TENM3: variants seen among roughly 807,000 people sequenced by gnomAD.
TENM3 encodes teneurin-3.
Under a neutral mutation model 255.1 loss-of-function variants are expected in TENM3, and 63 were observed. The observed-to-expected ratio is 0.25, with a 90% confidence interval of 0.20 to 0.30. The LOEUF (loss-of-function observed/expected upper bound fraction) is 0.30. TENM3 is among the 10% of genes least tolerant of loss of function. The probability of loss-of-function intolerance (pLI) is 1.00; values close to 1 mark genes in which losing one functional copy is unlikely to be tolerated. For missense variants in TENM3, 2,929 were observed against 3,461.1 expected, an observed-to-expected ratio of 0.85 and a Z score of 3.86; for synonymous variants, 1,306 against 1,322.3, an observed-to-expected ratio of 0.99 and a Z score of 0.27.
At chr4:181,524,504 T>C in the TENM3 span, among the ~76,000 whole-genome samples, 2 of 152,186 alleles carry the variant, frequency 1.3e-5, no homozygotes, top group Non-Finnish European at 2.9e-5. Flanking sequence ...ATTAATCAGT[T>C]CCTAGCAGGT....
intron 1 of TENM3, among the ~76,000 whole-genome samples, chr4:182,159,230 A>G (rs1036846508): frequency 1.3e-5 from 2 of 152,158 alleles, no homozygotes; most frequent in African/African-American, 4.8e-5. Context: ...CCTTATAATG[A>G]ACGTCATGCT....
At chr4:181,664,193 C>T in the TENM3 span, among the ~76,000 whole-genome samples, 16 of 152,276 alleles carry the variant, frequency 1.1e-4, no homozygotes, top group South Asian at 6.2e-4. Flanking sequence ...ACTGGCTGGG[C>T]GCAGTGGCTC....
intron 3 of TENM3, among the ~76,000 whole-genome samples, chr4:182,448,216 A>G (rs1009571913): frequency 1.1e-4 from 16 of 152,164 alleles, no homozygotes; most frequent in African/African-American, 3.6e-4. Context: ...AGCCCCCGCC[A>G]CGGGCCGGTC....
At chr4:182,083,455 G>T in the TENM3 span, among the ~76,000 whole-genome samples, 1 of 152,146 alleles carries the variant, frequency 6.6e-6, no homozygotes, top group Non-Finnish European at 1.5e-5. Context: ...TGATGGAGAA[G>T]AAATGTGTTA....
chr4:181,675,318 A>C, the TENM3 span, among the ~76,000 whole-genome samples: 1 of 152,102 alleles, frequency 6.6e-6, no homozygotes, highest in Non-Finnish European at 1.5e-5. Flanking sequence ...GTTATATTGG[A>C]GGAATTGTGG....
At chr4:181,832,887 T>C in the TENM3 span, among the ~76,000 whole-genome samples, 27 of 152,084 alleles carry the variant, frequency 1.8e-4, no homozygotes, top group Non-Finnish European at 7.4e-5. Flanking sequence ...CAACATTCAC[T>C]CAAGCATGGA....
chr4:181,990,461 A>T, the TENM3 span, among the ~76,000 whole-genome samples: 1 of 152,118 alleles, frequency 6.6e-6, no homozygotes, highest in Non-Finnish European at 1.5e-5. Flanking sequence ...CCTAATAGAT[A>T]AGTGCCATAT....
chr4:181,582,058 C>T, the TENM3 span, among the ~76,000 whole-genome samples: 1 of 152,284 alleles, frequency 6.6e-6, no homozygotes. Context: ...TTCTGTCAAG[C>T]AGTTAATTCT....
At chr4:182,140,384 G>A (rs1749310023), upstream of TENM3, among the ~76,000 whole-genome samples, 1 of 152,112 alleles carries the variant, frequency 6.6e-6, no homozygotes, top group African/African-American at 2.4e-5. Flanking sequence ...TGAGGGGTGA[G>A]CTGGAAGGTC....
the TENM3 span, among the ~76,000 whole-genome samples, chr4:181,825,162 G>C: frequency 6.6e-6 from 1 of 152,118 alleles, no homozygotes; most frequent in Non-Finnish European, 1.5e-5. Flanking sequence ...CAGCACTTTG[G>C]GAGGCCAAGG....
the TENM3 span, among the ~76,000 whole-genome samples, chr4:182,100,426 A>G: frequency 8.3e-6 from 1 of 120,026 alleles, no homozygotes; most frequent in Non-Finnish European, 1.7e-5. Flanking sequence ...ACATGGCAAA[A>G]CTCCGTCTCC....
chr4:181,713,254 C>A, the TENM3 span, among the ~76,000 whole-genome samples: 1 of 152,134 alleles, frequency 6.6e-6, no homozygotes, highest in African/African-American at 2.4e-5. Context: ...GGTTGAACAC[C>A]TGAATAAGAG....
chr4:181,732,437 T>TA, the TENM3 span, among the ~76,000 whole-genome samples: 1 of 152,168 alleles, frequency 6.6e-6, no homozygotes, highest in Non-Finnish European at 1.5e-5. Flanking sequence ...CATCATTTTT[T>TA]AAAAATTCCA....
At chr4:182,559,626 GA>G (rs1401239983) in intron 3 of TENM3, among the ~76,000 whole-genome samples, 3 of 151,912 alleles carry the variant, frequency 2.0e-5, no homozygotes, top group South Asian at 4.1e-4. Flanking sequence ...ATTTTCTATT[GA>G]TTTTTTTAAT....
At chr4:182,115,004 A>G in the TENM3 span, among the ~76,000 whole-genome samples, 40,188 of 151,868 alleles carry the variant, frequency 0.26, 5,923 homozygotes, top group East Asian at 0.52. Flanking sequence ...CAACATGGTG[A>G]AACCTCATCT....
chr4:181,782,658 G>A, the TENM3 span, among the ~76,000 whole-genome samples: 1 of 151,990 alleles, frequency 6.6e-6, no homozygotes, highest in Non-Finnish European at 1.5e-5. Context: ...CTTGCCTTCT[G>A]CTAGCTTTTG....
At chr4:181,954,097 A>C in the TENM3 span, among the ~76,000 whole-genome samples, 1 of 152,354 alleles carries the variant, frequency 6.6e-6, no homozygotes, top group South Asian at 2.1e-4. Context: ...TGCATGTATC[A>C]GTAGCTCATT....
At chr4:182,251,402 A>G (rs1452596738) in intron 1 of TENM3, among the ~76,000 whole-genome samples, 1 of 152,200 alleles carries the variant, frequency 6.6e-6, no homozygotes, top group East Asian at 1.9e-4. Flanking sequence ...CAGGTGGTCC[A>G]GGTTGCGGTG....
At chr4:181,472,211 C>G in the TENM3 span, among the ~76,000 whole-genome samples, 4 of 152,102 alleles carry the variant, frequency 2.6e-5, no homozygotes, top group Admixed American at 2.0e-4. Flanking sequence ...TATATACTTA[C>G]TTTTTCATTG....
Sources: gnomAD v4.1 joint callset for allele counts (sites outside exome capture counted in the v4.1 genomes callset) on GRCh38, gnomAD v4.1.1 for gene constraint, MANE v1.5 for transcripts, NCBI Gene and HGNC (gene_info 2026-07-23, HGNC 2026-07-21) for gene names.